Variants in SLC9A2 observed in about 807,000 individuals in gnomAD.
SLC9A2 encodes sodium/hydrogen exchanger 2.
In SLC9A2, 42 loss-of-function variants were observed where a neutral mutation model predicts 71.7. That is an observed-to-expected ratio of 0.59 (90% CI 0.46 to 0.76). SLC9A2 has a LOEUF of 0.76. Among genes scored for constraint, SLC9A2 ranks in the 30% least tolerant of loss-of-function variants. SLC9A2 has a pLI of 0.00. For synonymous variants in SLC9A2, 396 were observed against 392.5 expected (o/e 1.01, Z -0.10); for missense variants, 829 against 1,017.4 (o/e 0.81, Z 2.52).
intron 9 of SLC9A2, 24 bp from the exon 10 acceptor site, chr2:102,704,520 G>T: frequency 6.2e-7 from 1 of 1,602,802 alleles, no homozygotes; most frequent in Non-Finnish European, 8.5e-7. Flanking sequence ...GTTTTTTAAT[G>T]TCCTCTATAT....
chr2:102,653,215 T>A (rs1676868894), intron 1 of SLC9A2, among the ~76,000 whole-genome samples: 1 of 152,208 alleles, frequency 6.6e-6, no homozygotes, highest in Non-Finnish European at 1.5e-5. Flanking sequence ...ATGAAACAAT[T>A]TGGCAAACTC....
intron 3 of SLC9A2, 27 bp downstream of exon 3, chr2:102,665,377 C>T: frequency 6.3e-7 from 1 of 1,586,768 alleles, no homozygotes; most frequent in Non-Finnish European, 8.6e-7. Flanking sequence ...TAAAAGTGCT[C>T]GATGATGGCA....
intron 2 of SLC9A2, among the ~76,000 whole-genome samples, chr2:102,659,274 CAAA>C (rs11297336): frequency 1.2e-4 from 15 of 130,424 alleles, no homozygotes; most frequent in Admixed American, 1.5e-4. Context: ...ACTAAAAATA[CAAA>C]AAAAAAAAAA....
chr2:102,689,848 T>C (rs916412280), intron 5 of SLC9A2: 1 of 152,212 alleles, frequency 6.6e-6, no homozygotes, highest in Non-Finnish European at 1.5e-5. Flanking sequence ...GGATGGGACA[T>C]CATGTGCTCA....
At chr2:102,631,995 GATAT>G (rs59553931) in intron 1 of SLC9A2, among the ~76,000 whole-genome samples, 2,745 of 42,944 alleles carry the variant, frequency 0.064, 158 homozygotes, top group African/African-American at 0.12. Flanking sequence ...TGAAAGTGGG[GATAT>G]ATATATATAT....
At chr2:102,699,248 G>A (rs141051566) in intron 7 of SLC9A2, among the ~76,000 whole-genome samples, 2 of 152,258 alleles carry the variant, frequency 1.3e-5, no homozygotes, top group African/African-American at 2.4e-5. Context: ...GGGGGAAAAG[G>A]ATTCCTAGTA....
At chr2:102,669,947 C>T (rs549928658) in intron 3 of SLC9A2, among the ~76,000 whole-genome samples, 7 of 152,162 alleles carry the variant, frequency 4.6e-5, no homozygotes, top group Non-Finnish European at 1.0e-4. Context: ...CGTACTTGGC[C>T]TCCACAGCAG....
intron 5 of SLC9A2, among the ~76,000 whole-genome samples, chr2:102,692,306 A>G (rs1677679209): frequency 6.6e-6 from 1 of 152,230 alleles, no homozygotes; most frequent in Non-Finnish European, 1.5e-5. Flanking sequence ...GACTGATGGA[A>G]AAAAGCCAAT....
At chr2:102,669,715 G>A (rs955949964) in intron 3 of SLC9A2, among the ~76,000 whole-genome samples, 1 of 152,218 alleles carries the variant, frequency 6.6e-6, no homozygotes, top group Non-Finnish European at 1.5e-5. Flanking sequence ...ATGGACAACG[G>A]TGTGTTTAAC....
intron 1 of SLC9A2, among the ~76,000 whole-genome samples, chr2:102,644,654 G>T (rs928351706): frequency 1.3e-5 from 2 of 152,184 alleles, no homozygotes; most frequent in Non-Finnish European, 2.9e-5. Flanking sequence ...ATTACTGAGG[G>T]TTGAGCAGGT....
chr2:102,651,413 C>A (rs1047467275), intron 1 of SLC9A2, among the ~76,000 whole-genome samples: 1 of 152,192 alleles, frequency 6.6e-6, no homozygotes, highest in Non-Finnish European at 1.5e-5. Flanking sequence ...CCAGCTCCAG[C>A]CAGAGTAGCC....
intron 1 of SLC9A2, among the ~76,000 whole-genome samples, chr2:102,654,498 A>T (rs28413590): frequency 0.045 from 6,829 of 152,222 alleles, 510 homozygotes; most frequent in African/African-American, 0.16. Flanking sequence ...TTTATTATTT[A>T]ACAGTTCTTT....
intron 5 of SLC9A2, among the ~76,000 whole-genome samples, chr2:102,690,241 A>G (rs1354614185): frequency 6.6e-6 from 1 of 152,180 alleles, no homozygotes; most frequent in Non-Finnish European, 1.5e-5. Context: ...GGCCTCTAGC[A>G]ACTGTGACAA....
In SLC9A2 at chr2:102,683,463, A is replaced by G. The variant is rs1370006980; in HGVS notation, c.1207A>G (p.Met403Val). The G allele has an allele frequency of 6.2e-7, 1 of 1,614,148 alleles. No homozygotes were observed. The highest frequency in any genetic ancestry group is 8.5e-7 in the Non-Finnish European group (1 of 1,179,986). Residue 403 changes from methionine to valine, a missense_variant, in exon 4 of 12, where the codon ATG becomes GTG. This residue lies in a region of SLC9A2 where 500 missense variants were observed against 726.3 expected (regional missense o/e 0.69). Transcript: ENST00000233969. Reference sequence around the variant, plus strand: ...CTGCTTCACCCTGGCCTTCTGCCTCATGTGGCGAGCCCTGGGTAATGAGTG... The same window carrying G: ...CTGCTTCACCCTGGCCTTCTGCCTCGTGTGGCGAGCCCTGGGTAATGAGTG... ...FVCFTLAFCL[M>V]WRALGVFVLT...
chr2:102,673,731 G>A (rs1247874988), intron 3 of SLC9A2, among the ~76,000 whole-genome samples: 2 of 151,832 alleles, frequency 1.3e-5, no homozygotes, highest in Non-Finnish European at 2.9e-5. Context: ...TAATGTGTAG[G>A]CCAAAATATA....
intron 1 of SLC9A2, among the ~76,000 whole-genome samples, chr2:102,621,008 T>C (rs1676125628): frequency 6.6e-6 from 1 of 151,824 alleles, no homozygotes; most frequent in Admixed American, 6.6e-5. Context: ...TACAAAAAAA[T>C]TAGCCGGGCG....
chr2:102,627,264 G>A (rs567721420), intron 1 of SLC9A2, among the ~76,000 whole-genome samples: 29 of 152,262 alleles, frequency 1.9e-4, no homozygotes, highest in Non-Finnish European at 3.5e-4. Context: ...AGTGATCTGC[G>A]ATGATGCCAC....
chr2:102,637,001 G>C (rs1015210171), intron 1 of SLC9A2, among the ~76,000 whole-genome samples: 2 of 152,138 alleles, frequency 1.3e-5, no homozygotes, highest in Non-Finnish European at 2.9e-5. Flanking sequence ...AAAATGGGAG[G>C]GTTGGAAGAA....
chr2:102,695,369 C>T (rs772077401), intron 7 of SLC9A2, among the ~76,000 whole-genome samples: 2 of 152,020 alleles, frequency 1.3e-5, no homozygotes, highest in Admixed American at 1.3e-4. Flanking sequence ...TCCAAGACTC[C>T]CCCAGGGTCC....
Sources: allele counts gnomAD v4.1 joint callset (sites outside exome capture counted in the v4.1 genomes callset), GRCh38; gene constraint gnomAD v4.1.1; regional missense constraint gnomAD v4.1.1; transcripts MANE v1.5; gene names NCBI Gene and HGNC (gene_info 2026-07-23, HGNC 2026-07-21).